The following ACER3 variants were observed in gnomAD, a reference collection of about 807,000 sequenced individuals.
ACER3 encodes alkaline ceramidase 3.
ACER3 carries 16 observed loss-of-function variants against 48.9 expected under a neutral mutation model. The ratio of observed to expected loss-of-function variants is 0.33; its 90% CI spans 0.22 to 0.50. The LOEUF (loss-of-function observed/expected upper bound fraction) is 0.50. Among genes scored for constraint, ACER3 ranks in the 20% least tolerant of loss-of-function variants. The pLI, the probability that ACER3 is intolerant of heterozygous loss-of-function variation, is 0.98. For synonymous variants in ACER3, 109 were observed against 107.8 expected, an observed-to-expected ratio of 1.01 and a Z score of -0.07; for missense variants, 227 against 326.0, an observed-to-expected ratio of 0.70 and a Z score of 2.34.
Position 76,924,973 on chromosome 11 carries a change from C to CAAAAAAAAAA in ACER3, c.104-1573_104-1564dup, listed in dbSNP as rs57093609. Among the ~76,000 whole-genome samples the CAAAAAAAAAA allele has an allele frequency of 6.4e-4, 50 of 78,566 alleles. No homozygotes were observed. The East Asian group carries it at 0.015, about 23-fold the overall frequency. The allele number at this position is 78,566 out of a possible 152,430, so 51.5% of individuals were successfully genotyped here. ...CCTGGGCAACAGAGGAAGACTCTGT[C>CAAAAAAAAAA]AAAAAAAAAAAAAAAAAAAACACCA... On this transcript the variant is annotated intron_variant, in intron 1 of 10. Coordinates refer to ENST00000532485, the MANE Select transcript of ACER3 (RefSeq NM_018367.7).
intron 3 of ACER3, among the ~76,000 whole-genome samples, chr11:76,967,066 C>T (rs11237040): frequency 0.57 from 86,647 of 151,704 alleles, 27,902 homozygotes; most frequent in Non-Finnish European, 0.74. Flanking sequence ...GCTAGCAAGA[C>T]TAATAAAGAA....
chr11:76,976,672 A>C (rs1948452116), intron 4 of ACER3, among the ~76,000 whole-genome samples: 3 of 152,202 alleles, frequency 2.0e-5, no homozygotes. Flanking sequence ...CAGTTTCTGT[A>C]TTCTACAATA....
chr11:76,980,510 C>A (rs1948560852), intron 4 of ACER3, among the ~76,000 whole-genome samples: 1 of 151,966 alleles, frequency 6.6e-6, no homozygotes, highest in Non-Finnish European at 1.5e-5. Context: ...GACCCTGTCA[C>A]TACAAAAAAA....
intron 1 of ACER3, among the ~76,000 whole-genome samples, chr11:76,898,346 GGAGTCTGCTACTTTATA>G (rs1211080160): frequency 4.6e-5 from 7 of 152,136 alleles, no homozygotes; most frequent in African/African-American, 1.7e-4. Flanking sequence ...TTCACTTTTT[GGAGTCTGCTACTTTATA>G]GAGGAAGGTT....
intron 2 of ACER3, among the ~76,000 whole-genome samples, chr11:76,951,120 G>A (rs993626610): frequency 6.6e-6 from 1 of 152,060 alleles, no homozygotes; most frequent in Admixed American, 6.6e-5. Context: ...TAAAATCAGA[G>A]GTTCTAAAGT....
At position 76,861,094 on chromosome 11, in the gene ACER3, A is replaced by C. The variant is rs1565145898; in HGVS notation, c.103+15A>C. The C allele has an allele frequency of 1.3e-6, 2 of 1,533,838 alleles. No homozygotes were observed. The highest frequency in any genetic ancestry group is 5.0e-5 in the East Asian group (2 of 39,692). ...CGCCGAGTTCTGTGAGTGTGGCCTG[A>C]GGAGGGGAGTGGGGGCGAGAGGGCA... On this transcript the variant is annotated intron_variant, in intron 1 of 10. Coordinates refer to ENST00000532485, the MANE Select transcript of ACER3 (RefSeq NM_018367.7).
rs117997765 is a variant in ACER3, at chr11:76,986,655, A to G, written c.402+931A>G. On this transcript the variant is annotated intron_variant, in intron 5 of 10. Coordinates refer to ENST00000532485, the MANE Select transcript of ACER3 (RefSeq NM_018367.7). ...CTGGTAGAATTGGGCAAGATTTAAT[A>G]TGGCTGGAACATATGGTAATTGAAG... 1.8e-3 allele frequency among the ~76,000 whole-genome samples: 267 copies of G among 152,376 alleles called. 3 individuals carry two copies. In the East Asian group the frequency reaches 0.038, roughly 22 times the overall value.
intron 6 of ACER3, among the ~76,000 whole-genome samples, 181 bp downstream of exon 6, chr11:76,990,755 G>A (rs1948784880): frequency 6.6e-6 from 1 of 152,112 alleles, no homozygotes; most frequent in African/African-American, 2.4e-5. Context: ...GTCAAGTGTA[G>A]GTAACAGGAA....
At chr11:76,880,793 T>A (rs1254582108) in intron 1 of ACER3, among the ~76,000 whole-genome samples, 1 of 152,204 alleles carries the variant, frequency 6.6e-6, no homozygotes, top group Non-Finnish European at 1.5e-5. Context: ...TAGCAAGGAC[T>A]GTGGGAGTTA....
At chr11:76,999,375 G>T (rs1461949206) in intron 7 of ACER3, among the ~76,000 whole-genome samples, 3 of 75,344 alleles carry the variant, frequency 4.0e-5, no homozygotes, top group Non-Finnish European at 6.8e-5. Flanking sequence ...TGATTTGTGG[G>T]TTTGTTTTTT....
In ACER3 at chr11:76,900,741, ATCT is replaced by A. The variant is rs575673828; in HGVS notation, c.104-25810_104-25808del. 5.9e-3 allele frequency among the ~76,000 whole-genome samples: 892 copies of A among 152,340 alleles called. 5 individuals are homozygous for A. Among genetic ancestry groups the A allele is most frequent in the Middle Eastern group, 0.017 (5 of 294 alleles). ...TGTTTTCAGGCACTGCTTCTTCTAC[ATCT>A]TCTTCCCCATTCTGGCATTGGTTCA... On this transcript the variant is annotated intron_variant, in intron 1 of 10. Transcript: ENST00000532485.
intron 1 of ACER3, among the ~76,000 whole-genome samples, chr11:76,890,487 A>G (rs1945778307): frequency 1.3e-5 from 2 of 152,184 alleles, no homozygotes; most frequent in Admixed American, 6.5e-5. Flanking sequence ...TTATAAAGTC[A>G]TTTTAATGAA....
intron 1 of ACER3, among the ~76,000 whole-genome samples, chr11:76,867,831 A>G (rs975498175): frequency 1.3e-5 from 2 of 152,142 alleles, no homozygotes; most frequent in Admixed American, 6.6e-5. Flanking sequence ...CCTTTTGTCC[A>G]TGAGTGAGAA....
chr11:76,934,488 C>G (rs1488117449), intron 2 of ACER3, among the ~76,000 whole-genome samples: 1 of 152,266 alleles, frequency 6.6e-6, no homozygotes, highest in Non-Finnish European at 1.5e-5. Flanking sequence ...GAGCTGGAGA[C>G]CAGCCCGGCC....
intron 2 of ACER3, among the ~76,000 whole-genome samples, chr11:76,938,877 C>T (rs1413037759): frequency 6.6e-6 from 1 of 151,350 alleles, no homozygotes; most frequent in Non-Finnish European, 1.5e-5. Flanking sequence ...CTGAAAGGAA[C>T]CAAAACTTCG....
At chr11:76,926,914 C>T (rs953462658) in intron 2 of ACER3, among the ~76,000 whole-genome samples, 3 of 152,156 alleles carry the variant, frequency 2.0e-5, no homozygotes, top group African/African-American at 7.2e-5. Flanking sequence ...TATACCCACA[C>T]ATCTTACTAC....
chr11:76,948,258 T>G (rs1240463319), intron 2 of ACER3, among the ~76,000 whole-genome samples: 3 of 143,996 alleles, frequency 2.1e-5, no homozygotes, highest in African/African-American at 8.4e-5. Flanking sequence ...TGTGTGTGTG[T>G]GTGTGTAGGT....
intron 7 of ACER3, among the ~76,000 whole-genome samples, chr11:77,013,864 A>G (rs1236325031): frequency 2.0e-5 from 3 of 152,236 alleles, no homozygotes; most frequent in Non-Finnish European, 4.4e-5. Context: ...TGACCATACA[A>G]TGGAGTACCT....
At chr11:76,975,650 A>G (rs1948421598) in intron 3 of ACER3, among the ~76,000 whole-genome samples, 1 of 152,096 alleles carries the variant, frequency 6.6e-6, no homozygotes, top group African/African-American at 2.4e-5. Flanking sequence ...GAGGTACAAT[A>G]TCATAGTTTG....
Sources: gnomAD v4.1 joint callset for allele counts (sites outside exome capture counted in the v4.1 genomes callset) on GRCh38, gnomAD v4.1.1 for gene constraint, MANE v1.5 for transcripts, NCBI Gene and HGNC (gene_info 2026-07-23, HGNC 2026-07-21) for gene names.